The following TPR variants were observed in gnomAD, a reference collection of about 807,000 sequenced individuals.
TPR encodes nucleoprotein TPR.
Under a neutral mutation model 316.1 loss-of-function variants are expected in TPR, and 51 were observed. The ratio of observed to expected loss-of-function variants is 0.16; its 90% confidence interval spans 0.13 to 0.20. The LOEUF is 0.20. TPR is among the 10% of genes least tolerant of loss of function. The probability of loss-of-function intolerance (pLI) is 1.00; values close to 1 mark genes in which losing one functional copy is unlikely to be tolerated. For missense variants in TPR, 2,272 were observed against 2,754.8 expected (o/e 0.82, Z 3.92); for synonymous variants, 981 against 914.7 (o/e 1.07, Z -1.31).
Position 186,345,563 on chromosome 1 carries a change from T to C in TPR, c.3213+17A>G. ...TCTAGGATCGAAGCTCATTTCTCAA[T>C]AATTGGCTATACTTACTTGTTCCTG... On this transcript the variant is annotated intron_variant, in intron 24 of 50. Transcript: ENST00000367478. 1 of 1,569,712 alleles carries C rather than the reference T, an allele frequency of 6.4e-7. No individual in the cohort carries two copies. The highest frequency in any genetic ancestry group is 8.8e-7 in the Non-Finnish European group (1 of 1,140,884).
In TPR at chr1:186,314,656, G is replaced by A. The variant is rs1233759965; in HGVS notation, c.7009C>T (p.Arg2337Cys). Residue 2337 changes from arginine to cysteine, a missense_variant, in exon 50 of 51, where the codon CGT becomes TGT. Coordinates refer to ENST00000367478, the MANE Select transcript of TPR (RefSeq NM_003292.3). ...CTCTGTCTGTTAAACTGACGACCAC[G>A]GACACCTTGTCTCAATGTTGTCTGA... ...RLQTTLRQGV[R>C]GRQFNRQRGV... is the part of the protein sequence containing the mutation. 2 of 1,611,718 alleles carry A rather than the reference G, an allele frequency of 1.2e-6. No individual in the cohort carries two copies. Among genetic ancestry groups the A allele is most frequent in the South Asian group, 1.1e-5 (1 of 90,860 alleles).
chr1:186,314,797 T>A, intron 49 of TPR, 73 bp from the exon 50 acceptor site: 1 of 895,898 alleles, frequency 1.1e-6, no homozygotes, highest in South Asian at 1.6e-5. Context: ...ACAAACTAAT[T>A]ACTAAATGAA....
intron 36 of TPR, among the ~76,000 whole-genome samples, chr1:186,334,015 T>C (rs1490327954): frequency 6.6e-6 from 1 of 152,160 alleles, no homozygotes; most frequent in Non-Finnish European, 1.5e-5. Flanking sequence ...TTGTAATTGC[T>C]GTAATGAATA....
chr1:186,345,515 TA>T (rs1369838720), intron 24 of TPR, 64 bp downstream of exon 24: 1 of 1,308,824 alleles, frequency 7.6e-7, no homozygotes, highest in Non-Finnish European at 1.1e-6. Flanking sequence ...TTATAATGCA[TA>T]AATATACTTC....
intron 12 of TPR, 47 bp from the exon 13 acceptor site, chr1:186,358,697 T>G: frequency 1.3e-6 from 2 of 1,494,120 alleles, no homozygotes; most frequent in Non-Finnish European, 1.9e-6. Flanking sequence ...CCTTCTAGGA[T>G]TTATACAAGT....
chr1:186,362,302 T>A lies in TPR; in HGVS notation c.775A>T (p.Thr259Ser), dbSNP rs1659219275. Residue 259 changes from threonine (T) to serine (S), a missense_variant, in exon 7 of 51, where the codon ACC becomes TCC. Transcript: ENST00000367478. ...HLQKHVEDLL[T>S]KLKEAKEQQA... Reference sequence around the variant, plus strand: ...GTCATATATACCTCTTTTAATTTGGTCAACAGATCCTCCACATGCTTTTGA... The same window carrying A: ...GTCATATATACCTCTTTTAATTTGGACAACAGATCCTCCACATGCTTTTGA... The A allele has an allele frequency of 6.2e-7, 1 of 1,612,028 alleles. No homozygotes were observed. Among genetic ancestry groups the A allele is most frequent in the Non-Finnish European group, 8.5e-7 (1 of 1,178,588 alleles).
At chr1:186,361,082 G>A (rs989333237) in intron 9 of TPR, among the ~76,000 whole-genome samples, 177 bp from the exon 10 acceptor site, 1 of 151,908 alleles carries the variant, frequency 6.6e-6, no homozygotes, top group Non-Finnish European at 1.5e-5. Context: ...AATTGTCTTC[G>A]CCTGGTGTTT....
At position 186,362,887 on chromosome 1, in the gene TPR, C is replaced by G; in HGVS notation, c.646G>C (p.Gly216Arg). The G allele has an allele frequency of 6.2e-7, 1 of 1,609,564 alleles. No homozygotes were observed. Among genetic ancestry groups the G allele is most frequent in the Non-Finnish European group, 8.5e-7 (1 of 1,178,344 alleles). The change falls in exon 6 of 51, where the codon GGG (glycine) becomes CGG (arginine). Residue 216 changes from glycine to arginine, a missense_variant. Transcript: ENST00000367478. ...DELLALGREK[G>R]NEILELKCNL... ...CATTTAAGCTCTAGAATCTCATTCCCTTTTTCTCTTCCAAGAGCCAGAAGT... is the reference window on the plus strand; with the variant it reads ...CATTTAAGCTCTAGAATCTCATTCCGTTTTTCTCTTCCAAGAGCCAGAAGT...
At position 186,323,839 on chromosome 1, in the gene TPR, A is replaced by T; in HGVS notation, c.6144T>A (p.Ser2048=). 4 of 1,550,536 alleles carry T rather than the reference A, an allele frequency of 2.6e-6. No individual in the cohort carries two copies. Among genetic ancestry groups the T allele is most frequent in the Non-Finnish European group, 3.5e-6 (4 of 1,157,536 alleles). ...GTTCTCTAGAAACCTCCTGAGAAAA[A>T]GAAGATTCTGCAGCACCTGTATTTC... ...GEGNTGAAES[S]FSQEVSREQQ... is the part of the protein sequence containing the mutation. The change falls in exon 43 of 51, where the codon TCT becomes TCA. Residue 2048 remains serine (S), a synonymous_variant. Coordinates refer to ENST00000367478, the MANE Select transcript of TPR (RefSeq NM_003292.3).
intron 43 of TPR, 91 bp downstream of exon 43, chr1:186,323,595 C>A (rs1657832038): frequency 1.6e-6 from 2 of 1,245,476 alleles, no homozygotes; most frequent in Non-Finnish European, 2.1e-6. Flanking sequence ...TTTAAAAAAA[C>A]CAAGAGAGAG....
chr1:186,346,061 C>T, intron 23 of TPR, 74 bp downstream of exon 23: 2 of 1,478,466 alleles, frequency 1.4e-6, no homozygotes, highest in Admixed American at 2.3e-5. Context: ...AACTAAATGG[C>T]AACTAATGAC....
At position 186,341,028 on chromosome 1, in the gene TPR, C is replaced by G. The variant is rs1181714557; in HGVS notation, c.4020G>C (p.Gln1340His). The part of the protein sequence containing the change: ...EDVKRWKARN[Q>H]HLVSQQKDPD... ...TTGGAAGAGTTTTAACTGCATTTACCTGGTTACGTGCTTTCCAACGTTTGA... is the reference window on the plus strand; with the variant it reads ...TTGGAAGAGTTTTAACTGCATTTACGTGGTTACGTGCTTTCCAACGTTTGA... The change falls in exon 29 of 51, where the codon CAG becomes CAC. Residue 1340 changes from glutamine (Q) to histidine (H), a missense_variant and splice_region_variant. Transcript: ENST00000367478. 1 of 1,611,432 alleles carries G rather than the reference C, an allele frequency of 6.2e-7. No individual in the cohort carries two copies. Among genetic ancestry groups the G allele is most frequent in the Non-Finnish European group, 8.5e-7 (1 of 1,179,376 alleles).
chr1:186,334,952 T>C (rs1047001995), intron 35 of TPR, 116 bp downstream of exon 35: 97 of 1,027,526 alleles, frequency 9.4e-5, no homozygotes, highest in Non-Finnish European at 1.3e-4. Context: ...AACAACTCTT[T>C]AGTGTATGTT....
intron 29 of TPR, among the ~76,000 whole-genome samples, chr1:186,340,707 A>G (rs1256132026): frequency 2.6e-5 from 4 of 152,184 alleles, no homozygotes; most frequent in African/African-American, 9.7e-5. Context: ...CTGGGATTAC[A>G]GGCATGAGCC....
At chr1:186,319,873 GTTTT>G (rs1489843519) in intron 46 of TPR, among the ~76,000 whole-genome samples, 1 of 151,778 alleles carries the variant, frequency 6.6e-6, no homozygotes, top group African/African-American at 2.4e-5. Flanking sequence ...TTTATTTTTT[GTTTT>G]TTTAAGTAAT....
At chr1:186,354,610 A>G (rs1199495617) in intron 17 of TPR, among the ~76,000 whole-genome samples, 1 of 152,212 alleles carries the variant, frequency 6.6e-6, no homozygotes, top group Non-Finnish European at 1.5e-5. Context: ...TGTACTATAT[A>G]AAAATAAATA....
rs368768478 is a variant in TPR, at chr1:186,371,064, G to C, written c.257-21C>G. On this transcript the variant is annotated intron_variant, in intron 2 of 50. Transcript: ENST00000367478. ...ATTGTCTGGATAAAAGGAATTTTAT[G>C]AATACATACACATTTGCTTAAAACT... 1.5e-5 allele frequency: 24 copies of C among 1,585,300 alleles called. No homozygotes were observed. The African/African-American group carries it at 3.2e-4, about 21-fold the overall frequency.
At position 186,353,671 on chromosome 1, in the gene TPR, A is replaced by T; in HGVS notation, c.2334+17T>A. 1 of 1,604,310 alleles carries T rather than the reference A, an allele frequency of 6.2e-7. No individual in the cohort carries two copies. The highest frequency in any genetic ancestry group is 8.5e-7 in the Non-Finnish European group (1 of 1,176,574). On this transcript the variant is annotated intron_variant, in intron 18 of 50. Transcript: ENST00000367478. ...TGCAACTTATAATGCAAGTTGGACA[A>T]GGGATATTGGACTCACTTCTGCGAC...
At chr1:186,332,101 G>A (rs1024854362) in intron 38 of TPR, 94 bp downstream of exon 38, 30 of 1,354,386 alleles carry the variant, frequency 2.2e-5, no homozygotes, top group Non-Finnish European at 2.9e-5. Context: ...ATATATTTTG[G>A]CCCCAAAAGG....
Sources: allele counts gnomAD v4.1 joint callset (sites outside exome capture counted in the v4.1 genomes callset), GRCh38; gene constraint gnomAD v4.1.1; transcripts MANE v1.5; gene names NCBI Gene and HGNC (gene_info 2026-07-23, HGNC 2026-07-21).